BMPER: variants seen among roughly 807,000 people sequenced by gnomAD.
The protein encoded by BMPER is BMP binding endothelial regulator, also known as BMP-binding endothelial regulator protein.
In BMPER, 45 loss-of-function variants were observed where a neutral mutation model predicts 87.3. The observed-to-expected ratio is 0.52, with a 90% CI of 0.41 to 0.66. The LOEUF is 0.66. Among genes scored for constraint, BMPER ranks in the 30% least tolerant of loss-of-function variants. The pLI, the probability that BMPER is intolerant of heterozygous loss-of-function variation, is 0.00. For missense variants in BMPER, 784 were observed against 867.5 expected (o/e 0.90, Z 1.21); for synonymous variants, 326 against 316.2 (o/e 1.03, Z -0.33).
chr7:34,148,500 T>TA (rs1384577483), intron 14 of BMPER, among the ~76,000 whole-genome samples: 2 of 151,406 alleles, frequency 1.3e-5, no homozygotes, highest in African/African-American at 4.8e-5. Flanking sequence ...TCCCCAGGCT[T>TA]AAGAGACTGC....
chr7:34,021,447 G>T (rs1184159339), intron 6 of BMPER, among the ~76,000 whole-genome samples: 2 of 151,998 alleles, frequency 1.3e-5, no homozygotes, highest in Non-Finnish European at 2.9e-5. Context: ...ATATGCCAGG[G>T]ACTGTTTAGG....
intron 6 of BMPER, among the ~76,000 whole-genome samples, chr7:34,005,596 G>T (rs1786707128): frequency 6.6e-6 from 1 of 151,612 alleles, no homozygotes; most frequent in Non-Finnish European, 1.5e-5. Flanking sequence ...CAGAGATGGG[G>T]GTCTCACTTT....
At chr7:33,947,770 T>C (rs957576834) in intron 3 of BMPER, among the ~76,000 whole-genome samples, 1 of 152,268 alleles carries the variant, frequency 6.6e-6, no homozygotes, top group Non-Finnish European at 1.5e-5. Context: ...CATTATTAAT[T>C]ATAGGTTGCC....
chr7:34,017,764 C>T (rs1403233322), intron 6 of BMPER, among the ~76,000 whole-genome samples: 1 of 151,786 alleles, frequency 6.6e-6, no homozygotes, highest in Non-Finnish European at 1.5e-5. Flanking sequence ...TCAAGGAGTT[C>T]CCAAGTAATG....
chr7:34,107,743 G>A (rs1351068032), intron 13 of BMPER, among the ~76,000 whole-genome samples: 1 of 152,130 alleles, frequency 6.6e-6, no homozygotes, highest in Non-Finnish European at 1.5e-5. Context: ...GGTAGAGGCT[G>A]TGTGACATAT....
intron 12 of BMPER, among the ~76,000 whole-genome samples, chr7:34,085,509 A>C (rs1052777879): frequency 6.6e-6 from 1 of 152,226 alleles, no homozygotes; most frequent in Non-Finnish European, 1.5e-5. Flanking sequence ...CCAGGGGTAC[A>C]TAGGATGTTA....
intron 6 of BMPER, among the ~76,000 whole-genome samples, chr7:34,038,749 A>G (rs1027325155): frequency 3.9e-5 from 6 of 152,092 alleles, no homozygotes; most frequent in African/African-American, 1.2e-4. Context: ...TTTGTTTGCT[A>G]TTTTTATGGG....
intron 13 of BMPER, among the ~76,000 whole-genome samples, chr7:34,125,845 C>A (rs2192873): frequency 4.6e-5 from 7 of 152,124 alleles, no homozygotes; most frequent in Non-Finnish European, 1.0e-4. Flanking sequence ...TGGAGGACAG[C>A]ATTGTGAAAA....
At chr7:33,916,813 G>A (rs903925501) in intron 2 of BMPER, among the ~76,000 whole-genome samples, 8 of 152,214 alleles carry the variant, frequency 5.3e-5, no homozygotes, top group African/African-American at 1.9e-4. Context: ...TTGAGTGGGA[G>A]TTAGACTGGA....
intron 2 of BMPER, among the ~76,000 whole-genome samples, chr7:33,916,390 A>G (rs1784087204): frequency 6.6e-6 from 1 of 152,228 alleles, no homozygotes; most frequent in Admixed American, 6.5e-5. Context: ...GGAGGCAAAA[A>G]TGTCAAACAA....
intron 2 of BMPER, among the ~76,000 whole-genome samples, chr7:33,909,425 GTCTT>G (rs1446941444): frequency 6.6e-6 from 1 of 152,074 alleles, no homozygotes; most frequent in Non-Finnish European, 1.5e-5. Flanking sequence ...TTTCTTTTGA[GTCTT>G]TCAGGAGTTC....
intron 3 of BMPER, among the ~76,000 whole-genome samples, chr7:33,948,981 G>A (rs146361922): frequency 8.5e-4 from 129 of 152,216 alleles, no homozygotes; most frequent in Non-Finnish European, 1.7e-3. Flanking sequence ...TTCTTCACCC[G>A]GGCACAGCCC....
intron 6 of BMPER, among the ~76,000 whole-genome samples, chr7:33,997,830 TGAA>T (rs983435668): frequency 2.0e-5 from 3 of 152,180 alleles, no homozygotes; most frequent in Admixed American, 1.3e-4. Context: ...TTGAAGGAAA[TGAA>T]GGAGCCAGAT....
At chr7:34,056,023 A>G (rs1339727325) in intron 9 of BMPER, among the ~76,000 whole-genome samples, 6 of 152,258 alleles carry the variant, frequency 3.9e-5, no homozygotes, top group Admixed American at 1.3e-4. Flanking sequence ...CATGAGAATC[A>G]AGACCCACAT....
intron 6 of BMPER, among the ~76,000 whole-genome samples, chr7:34,022,940 C>T (rs1194350999): frequency 6.6e-6 from 1 of 151,886 alleles, no homozygotes; most frequent in Non-Finnish European, 1.5e-5. Flanking sequence ...GACACGTGAT[C>T]TGAGGGGGTT....
chr7:33,938,257 C>T lies in BMPER; in HGVS notation c.319+869C>T, dbSNP rs113974651. Among the ~76,000 whole-genome samples the T allele has an allele frequency of 7.2e-5, 11 of 152,292 alleles. 1 individual carries two copies. Among genetic ancestry groups the T allele is most frequent in the African/African-American group, 1.4e-4 (6 of 41,564 alleles). ...GGTGTGGGCTCTGGAGTCACCCTGC[C>T]GAGTCAGAATCCAAGTTTACTGGGT... On this transcript the variant is annotated intron_variant, in intron 3 of 14. Coordinates refer to ENST00000649409, the MANE Select transcript of BMPER (RefSeq NM_001365308.1).
chr7:33,956,734 C>T (rs1398995225), intron 3 of BMPER, among the ~76,000 whole-genome samples: 1 of 152,158 alleles, frequency 6.6e-6, no homozygotes, highest in Non-Finnish European at 1.5e-5. Context: ...ATGACTTTCT[C>T]AATAACATTT....
intron 3 of BMPER, among the ~76,000 whole-genome samples, chr7:33,957,826 C>T (rs1785184344): frequency 6.6e-6 from 1 of 152,008 alleles, no homozygotes; most frequent in South Asian, 2.1e-4. Flanking sequence ...ACAATTTTTC[C>T]TGATGAGCCG....
At chr7:33,989,582 G>T (rs1233237906) in intron 6 of BMPER, among the ~76,000 whole-genome samples, 3 of 152,132 alleles carry the variant, frequency 2.0e-5, no homozygotes, top group Non-Finnish European at 2.9e-5. Context: ...TCACTCTGAT[G>T]GTAGTTTCTT....
Sources: gnomAD v4.1 joint callset for allele counts (sites outside exome capture counted in the v4.1 genomes callset) on GRCh38, gnomAD v4.1.1 for gene constraint, MANE v1.5 for transcripts, NCBI Gene and HGNC (gene_info 2026-07-23, HGNC 2026-07-21) for gene names.